The following GRM7 variants were observed in gnomAD, a reference collection of about 807,000 sequenced individuals.
GRM7 encodes the protein metabotropic glutamate receptor 7.
A neutral mutation model predicts 84.5 loss-of-function variants in GRM7; 35 were observed. The ratio of observed to expected loss-of-function variants is 0.41; its 90% CI spans 0.32 to 0.55. GRM7 has a LOEUF of 0.55. Ranked by LOEUF, GRM7 falls within the 20% of genes least tolerant of loss-of-function variation. The pLI is 0.19. For missense variants in GRM7, 1,003 were observed against 1,194.6 expected (o/e 0.84, Z 2.36); for synonymous variants, 487 against 455.1 (o/e 1.07, Z -0.89).
intron 7 of GRM7, among the ~76,000 whole-genome samples, chr3:7,548,758 G>A (rs949512038): frequency 6.6e-6 from 1 of 152,156 alleles, no homozygotes; most frequent in Non-Finnish European, 1.5e-5. Context: ...TGGGCATTCA[G>A]GAAGAGGCAA....
rs528509899 is a variant in GRM7, at chr3:7,237,691, T to C, written c.737-60993T>C. Among the ~76,000 whole-genome samples, 4 of 152,196 alleles carry C rather than the reference T, an allele frequency of 2.6e-5. No individual in the cohort carries two copies. The South Asian group carries it at 8.3e-4, about 32-fold the overall frequency. On this transcript the variant is annotated intron_variant, in intron 2 of 9. Coordinates refer to ENST00000357716, the MANE Select transcript of GRM7 (RefSeq NM_000844.4). ...CCAAAGAGTGAGCAGCAGCAAGATT[T>C]ATTGTGAAGAGTGAAAGAACAAAGC...
intron 8 of GRM7, chr3:7,591,560 C>A: frequency 2.5e-6 from 1 of 407,452 alleles, no homozygotes; most frequent in Admixed American, 3.2e-5. Context: ...TTAGAAACTT[C>A]CTCAAAGATA....
intron 7 of GRM7, among the ~76,000 whole-genome samples, chr3:7,497,225 G>A (rs1699737893): frequency 6.6e-6 from 1 of 152,022 alleles, no homozygotes; most frequent in Non-Finnish European, 1.5e-5. Flanking sequence ...TTTCAGTCAT[G>A]TGTAAACCTA....
At position 7,369,520 on chromosome 3, in the gene GRM7, A is replaced by G. The variant is rs116458587; in HGVS notation, c.1034-45503A>G. ...GTTGCAAGGGAAGCTGAGAACTGTA[A>G]CTTTTAGCTGGTTAGACATGTCTGT... is the stretch of plus-strand genomic sequence containing the variant. On this transcript the variant is annotated intron_variant, in intron 4 of 9. Coordinates refer to ENST00000357716, the MANE Select transcript of GRM7 (RefSeq NM_000844.4). Among the ~76,000 whole-genome samples the G allele has an allele frequency of 4.6e-3, 699 of 152,180 alleles. 6 individuals carry two copies. The highest frequency in any genetic ancestry group is 0.016 in the African/African-American group (682 of 41,534).
intron 2 of GRM7, among the ~76,000 whole-genome samples, chr3:7,150,354 C>T (rs374725619): frequency 1.8e-4 from 28 of 152,162 alleles, no homozygotes; most frequent in Admixed American, 3.9e-4. Flanking sequence ...CACAGTGCAC[C>T]GATAAGCGCC....
chr3:6,905,377 T>C (rs1252919882), intron 1 of GRM7, among the ~76,000 whole-genome samples: 1 of 152,202 alleles, frequency 6.6e-6, no homozygotes, highest in Non-Finnish European at 1.5e-5. Flanking sequence ...GTATCTTATA[T>C]TCTATCTGGT....
intron 1 of GRM7, among the ~76,000 whole-genome samples, chr3:6,993,307 A>T (rs536590310): frequency 3.2e-4 from 48 of 152,334 alleles, no homozygotes; most frequent in Non-Finnish European, 5.4e-4. Context: ...TTGGGTGGGG[A>T]CACAGCCAAA....
intron 1 of GRM7, among the ~76,000 whole-genome samples, chr3:6,985,960 CCAGCCT>C (rs1694394085): frequency 6.6e-6 from 1 of 152,108 alleles, no homozygotes; most frequent in African/African-American, 2.4e-5. Context: ...TTGAGAATAA[CCAGCCT>C]AACAAGTGTG....
At chr3:7,445,820 GT>G in intron 5 of GRM7, among the ~76,000 whole-genome samples, 1 of 152,176 alleles carries the variant, frequency 6.6e-6, no homozygotes, top group Non-Finnish European at 1.5e-5. Flanking sequence ...TTATTTATCT[GT>G]TTATCTTTAA....
At chr3:7,470,328 A>G (rs1307162444) in intron 7 of GRM7, among the ~76,000 whole-genome samples, 1 of 152,244 alleles carries the variant, frequency 6.6e-6, no homozygotes, top group Admixed American at 6.5e-5. Flanking sequence ...ATATGTAATA[A>G]TACTTTCTTA....
chr3:7,226,629 G>A (rs1429251772), intron 2 of GRM7, among the ~76,000 whole-genome samples: 4 of 152,248 alleles, frequency 2.6e-5, no homozygotes, highest in East Asian at 1.9e-4. Context: ...TTATACTATG[G>A]TGGGACTTAC....
intron 8 of GRM7, among the ~76,000 whole-genome samples, chr3:7,605,191 C>T (rs1432527666): frequency 1.3e-5 from 2 of 151,998 alleles, no homozygotes; most frequent in Non-Finnish European, 2.9e-5. Context: ...GGGTTTATAC[C>T]TGATTGCAGA....
intron 8 of GRM7, among the ~76,000 whole-genome samples, chr3:7,666,292 A>G (rs1026848386): frequency 1.3e-5 from 2 of 152,210 alleles, no homozygotes; most frequent in Non-Finnish European, 2.9e-5. Flanking sequence ...AATATACACT[A>G]AGTCCTTTCA....
At chr3:7,704,674 G>A (rs1701329306) in intron 9 of GRM7, among the ~76,000 whole-genome samples, 1 of 152,164 alleles carries the variant, frequency 6.6e-6, no homozygotes, top group African/African-American at 2.4e-5. Context: ...AGTTACAATA[G>A]AAAGAAGTAT....
At chr3:7,739,494 T>C (rs1006906363) in intron 9 of GRM7, among the ~76,000 whole-genome samples, 4 of 152,148 alleles carry the variant, frequency 2.6e-5, no homozygotes, top group African/African-American at 9.7e-5. Flanking sequence ...CAAGATTTAG[T>C]GAATAAAGAA....
intron 2 of GRM7, among the ~76,000 whole-genome samples, chr3:7,190,165 C>G (rs891581535): frequency 6.6e-6 from 1 of 152,118 alleles, no homozygotes; most frequent in Non-Finnish European, 1.5e-5. Flanking sequence ...AGTAACACAT[C>G]CATTGACACT....
chr3:7,139,447 C>T (rs1290612234), intron 1 of GRM7, among the ~76,000 whole-genome samples: 1 of 151,816 alleles, frequency 6.6e-6, no homozygotes, highest in Non-Finnish European at 1.5e-5. Context: ...AGGTCTGTAG[C>T]ATTCTAAAAA....
intron 4 of GRM7, among the ~76,000 whole-genome samples, chr3:7,364,318 C>G (rs1475475564): frequency 2.6e-5 from 4 of 151,748 alleles, no homozygotes; most frequent in African/African-American, 9.7e-5. Context: ...GTTTTATATA[C>G]AGGCTCTCAC....
chr3:7,688,237 T>G (rs1031667331), intron 9 of GRM7, among the ~76,000 whole-genome samples: 1 of 152,132 alleles, frequency 6.6e-6, no homozygotes, highest in African/African-American at 2.4e-5. Flanking sequence ...ACTTTTAGGA[T>G]ATACAGATTA....
Sources: allele counts gnomAD v4.1 joint callset (sites outside exome capture counted in the v4.1 genomes callset), GRCh38; gene constraint gnomAD v4.1.1; transcripts MANE v1.5; gene names NCBI Gene and HGNC (gene_info 2026-07-23, HGNC 2026-07-21).